Variants in CACNA1C observed in about 807,000 individuals in gnomAD.
The protein encoded by CACNA1C is voltage-dependent L-type calcium channel subunit alpha-1C.
In CACNA1C, 30 loss-of-function variants were observed where a neutral mutation model predicts 229.0. The observed-to-expected ratio is 0.13, with a 90% CI of 0.10 to 0.18. The LOEUF (loss-of-function observed/expected upper bound fraction) is 0.18. Ranked by LOEUF, CACNA1C falls within the 10% of genes least tolerant of loss-of-function variation. The pLI is 1.00. For missense variants in CACNA1C, 1,658 were observed against 2,845.0 expected (o/e 0.58, Z 9.49); for synonymous variants, 1,114 against 1,132.5 (o/e 0.98, Z 0.33).
At chr12:2,344,887 T>C (rs1361218266) in intron 3 of CACNA1C, among the ~76,000 whole-genome samples, 1 of 152,010 alleles carries the variant, frequency 6.6e-6, no homozygotes, top group Non-Finnish European at 1.5e-5. Flanking sequence ...TGGACAGATT[T>C]AACTGTTTCT....
intron 3 of CACNA1C, among the ~76,000 whole-genome samples, chr12:2,283,512 C>G (rs1271426427): frequency 1.3e-5 from 2 of 152,198 alleles, no homozygotes; most frequent in Non-Finnish European, 2.9e-5. Flanking sequence ...TTGCCACGAG[C>G]CAGTCTGTCC....
chr12:2,461,200 G>A (rs747882124), intron 5 of CACNA1C, among the ~76,000 whole-genome samples: 18 of 152,168 alleles, frequency 1.2e-4, no homozygotes, highest in Non-Finnish European at 1.9e-4. Context: ...AGTGATCACC[G>A]TTACCGCACC....
intron 3 of CACNA1C, among the ~76,000 whole-genome samples, chr12:2,357,621 G>A (rs1351219635): frequency 6.6e-6 from 1 of 150,398 alleles, no homozygotes; most frequent in Admixed American, 6.6e-5. Flanking sequence ...GTGGAGAAGG[G>A]CTTTAGTCTG....
At chr12:2,554,174 T>A (rs1311726553) in intron 10 of CACNA1C, among the ~76,000 whole-genome samples, 1 of 152,122 alleles carries the variant, frequency 6.6e-6, no homozygotes, top group Non-Finnish European at 1.5e-5. Context: ...AAATGCAAAC[T>A]GAGTAACTAG....
At chr12:2,589,802 A>T (rs1003649341) in intron 18 of CACNA1C, among the ~76,000 whole-genome samples, 1 of 152,090 alleles carries the variant, frequency 6.6e-6, no homozygotes, top group African/African-American at 2.4e-5. Context: ...TGGACAGGGG[A>T]TGGTGCCGGA....
chr12:2,638,036 C>T lies in CACNA1C; in HGVS notation c.3912+3656C>T, dbSNP rs563548160. Among the ~76,000 whole-genome samples, 195 of 152,320 alleles carry T rather than the reference C, an allele frequency of 1.3e-3. 5 individuals are homozygous for T. In the South Asian group the frequency reaches 0.039, roughly 30 times the overall value. On this transcript the variant is annotated intron_variant, in intron 30 of 46. Coordinates refer to ENST00000399655, the MANE Select transcript of CACNA1C (RefSeq NM_000719.7). ...AGCATTTAGAGTCTCACTTCCTATACGTCAGGCACCGTTTGAGGCACCTGG... is the reference window on the plus strand; with the variant it reads ...AGCATTTAGAGTCTCACTTCCTATATGTCAGGCACCGTTTGAGGCACCTGG...
At chr12:2,468,099 C>T (rs890231700) in intron 5 of CACNA1C, among the ~76,000 whole-genome samples, 2 of 152,212 alleles carry the variant, frequency 1.3e-5, no homozygotes, top group African/African-American at 4.8e-5. Flanking sequence ...TAAGCACACT[C>T]ACAGGTTCCC....
intron 11 of CACNA1C, among the ~76,000 whole-genome samples, chr12:2,561,250 A>G (rs1420603354): frequency 6.6e-6 from 1 of 152,196 alleles, no homozygotes; most frequent in Non-Finnish European, 1.5e-5. Context: ...CGTAACTGAC[A>G]GTACAAGGAA....
rs1489882395 is a variant in CACNA1C, at chr12:2,585,401, G to C, written c.2365G>C (p.Glu789Gln). The C allele has an allele frequency of 6.2e-7, 1 of 1,612,438 alleles. No individual in the cohort carries two copies. Among genetic ancestry groups the C allele is most frequent in the Non-Finnish European group, 8.5e-7 (1 of 1,179,274 alleles). The change falls in exon 17 of 47, where the codon GAG (glutamate) becomes CAG (glutamine). Residue 789 changes from glutamate to glutamine, a missense_variant. By Grantham distance (29) the Glu-to-Gln change is conservative. Transcript: ENST00000399655. The surrounding 1 kb of genome is among the most constrained non-coding windows in gnomAD (Gnocchi z 4.1). ...GACTGCCAGCCCAGAGAAGAAACAA[G>C]AGTTGGTGGAGAAGCCGGCAGTGGG... The part of the protein sequence containing the change: ...ARTASPEKKQ[E>Q]LVEKPAVGES...
At chr12:2,607,283 CTTA>C (rs1858197179) in intron 26 of CACNA1C, 153 bp downstream of exon 26, 2 of 704,026 alleles carry the variant, frequency 2.8e-6, no homozygotes, top group Non-Finnish European at 4.6e-6. Context: ...ATTTCTAGAA[CTTA>C]CAGTCCACTG....
intron 1 of CACNA1C, among the ~76,000 whole-genome samples, chr12:2,026,084 C>T (rs1244838890): frequency 2.0e-5 from 3 of 152,122 alleles, no homozygotes; most frequent in Non-Finnish European, 4.4e-5. Flanking sequence ...TTCTTATTGG[C>T]CTATTCAGTG....
At chr12:2,161,788 A>G (rs933459663) in intron 3 of CACNA1C, among the ~76,000 whole-genome samples, 14 of 152,232 alleles carry the variant, frequency 9.2e-5, no homozygotes, top group Non-Finnish European at 1.9e-4. Flanking sequence ...TGGAGACCGT[A>G]TATCAAACTT....
chr12:2,191,107 C>T (rs1458015416), intron 3 of CACNA1C, among the ~76,000 whole-genome samples: 2 of 152,124 alleles, frequency 1.3e-5, no homozygotes, highest in African/African-American at 2.4e-5. Context: ...CACGGAGCAG[C>T]CCGTTCACCC....
intron 3 of CACNA1C, among the ~76,000 whole-genome samples, chr12:2,433,802 T>C (rs1311446525): frequency 6.6e-6 from 1 of 152,166 alleles, no homozygotes; most frequent in Non-Finnish European, 1.5e-5. Context: ...CCAAGCCTGA[T>C]CATTTCAAGG....
chr12:2,456,526 T>C (rs1484570258), intron 4 of CACNA1C, among the ~76,000 whole-genome samples: 1 of 152,152 alleles, frequency 6.6e-6, no homozygotes, highest in Admixed American at 6.6e-5. Flanking sequence ...CCTGCCCTGC[T>C]CCAGCCACAC....
chr12:2,388,702 G>A (rs981297608), intron 3 of CACNA1C, among the ~76,000 whole-genome samples: 1 of 152,160 alleles, frequency 6.6e-6, no homozygotes, highest in African/African-American at 2.4e-5. Context: ...TCAGTTCGTG[G>A]TTCATCTTTG....
intron 3 of CACNA1C, among the ~76,000 whole-genome samples, chr12:2,379,863 C>G (rs1051142762): frequency 6.6e-6 from 1 of 150,714 alleles, no homozygotes; most frequent in African/African-American, 2.4e-5. Context: ...AACCCCGTCT[C>G]TACTAAAAAT....
intron 3 of CACNA1C, among the ~76,000 whole-genome samples, chr12:2,177,618 T>TTCTC (rs1317844094): frequency 9.2e-6 from 1 of 108,644 alleles, no homozygotes; most frequent in Non-Finnish European, 1.8e-5. Context: ...CCTTCCTTCC[T>TTCTC]TCCTTCCTTC....
chr12:2,526,971 A>G (rs1004447432), intron 9 of CACNA1C, among the ~76,000 whole-genome samples: 1 of 152,236 alleles, frequency 6.6e-6, no homozygotes, highest in Non-Finnish European at 1.5e-5. Context: ...TTCTAAATAG[A>G]TACATTTGAA....
Sources: allele counts gnomAD v4.1 joint callset (sites outside exome capture counted in the v4.1 genomes callset), GRCh38; gene constraint gnomAD v4.1.1; non-coding constraint Gnocchi (gnomAD v3.1); transcripts MANE v1.5; gene names NCBI Gene and HGNC (gene_info 2026-07-23, HGNC 2026-07-21).